Variants in HPSE2 observed in about 807,000 individuals in gnomAD.
HPSE2 encodes the protein inactive heparanase-2.
Under a neutral mutation model 60.5 loss-of-function variants are expected in HPSE2, and 38 were observed. That is an observed-to-expected ratio of 0.63 (90% CI 0.48 to 0.82). The LOEUF (loss-of-function observed/expected upper bound fraction) is 0.82, where lower values mean the gene tolerates loss of function less well. Among genes scored for constraint, HPSE2 ranks in the 40% least tolerant of loss-of-function variants. The pLI, the probability that HPSE2 is intolerant of heterozygous loss-of-function variation, is 0.00. For missense variants in HPSE2, 713 were observed against 740.4 expected (o/e 0.96, Z 0.43); for synonymous variants, 295 against 293.2 (o/e 1.01, Z -0.06).
At position 98,632,854 on chromosome 10, in the gene HPSE2, G is replaced by A. The variant is rs754144770; in HGVS notation, c.1098+8993C>T. Among the ~76,000 whole-genome samples the A allele has an allele frequency of 5.3e-5, 8 of 152,282 alleles. No individual in the cohort carries two copies. In the East Asian group the frequency reaches 7.7e-4, roughly 15 times the overall value. On this transcript the variant is annotated intron_variant, in intron 7 of 11. Coordinates refer to ENST00000370552, the MANE Select transcript of HPSE2 (RefSeq NM_021828.5). ...TCAGAACACTCATTGATGTTATCCC[G>A]AGGTATTAATGTGGTACAGTTTGTA... is the stretch of plus-strand genomic sequence containing the variant.
intron 3 of HPSE2, among the ~76,000 whole-genome samples, chr10:98,944,641 G>C (rs925309108): frequency 3.9e-5 from 6 of 152,126 alleles, no homozygotes; most frequent in Admixed American, 1.3e-4. Context: ...CTTTAGAGGG[G>C]AGAAGGGATT....
At chr10:99,064,516 T>C (rs1842549980) in intron 3 of HPSE2, among the ~76,000 whole-genome samples, 1 of 152,046 alleles carries the variant, frequency 6.6e-6, no homozygotes, top group Non-Finnish European at 1.5e-5. Flanking sequence ...CCCTCCTCTA[T>C]GCCCTCTCTC....
intron 3 of HPSE2, among the ~76,000 whole-genome samples, chr10:99,091,715 T>G (rs771591106): frequency 1.2e-4 from 19 of 152,302 alleles, no homozygotes; most frequent in Middle Eastern, 3.4e-3. Flanking sequence ...TGCTTTTAAT[T>G]TACTCTTTTA....
chr10:99,011,449 A>C (rs1957012147), intron 3 of HPSE2, among the ~76,000 whole-genome samples: 1 of 152,022 alleles, frequency 6.6e-6, no homozygotes, highest in Non-Finnish European at 1.5e-5. Flanking sequence ...ATTAACCTTC[A>C]GATTTTCAAG....
chr10:98,500,606 C>T (rs571985584), intron 9 of HPSE2, among the ~76,000 whole-genome samples: 1 of 152,166 alleles, frequency 6.6e-6, no homozygotes, highest in Admixed American at 6.5e-5. Flanking sequence ...TAAGGTCACA[C>T]CTCAAGGGAC....
At chr10:98,570,551 C>CT (rs1039448562) in intron 9 of HPSE2, among the ~76,000 whole-genome samples, 34 of 151,336 alleles carry the variant, frequency 2.2e-4, no homozygotes, top group Admixed American at 6.6e-5. Context: ...TATTTTTTCC[C>CT]TTTTTTTGAC....
At chr10:98,548,751 A>G (rs866670787) in intron 9 of HPSE2, among the ~76,000 whole-genome samples, 2 of 152,294 alleles carry the variant, frequency 1.3e-5, no homozygotes, top group African/African-American at 2.4e-5. Context: ...TGTTAGGCCC[A>G]TTGCCCCTGG....
chr10:98,900,863 G>A (rs560057678), intron 3 of HPSE2, among the ~76,000 whole-genome samples: 1 of 152,106 alleles, frequency 6.6e-6, no homozygotes, highest in African/African-American at 2.4e-5. Flanking sequence ...ATTTACTGAA[G>A]AGAAACAAAC....
At chr10:98,639,403 C>T (rs1946580448) in intron 7 of HPSE2, among the ~76,000 whole-genome samples, 1 of 152,126 alleles carries the variant, frequency 6.6e-6, no homozygotes, top group African/African-American at 2.4e-5. Context: ...CTTGAGGGGA[C>T]CCTGGGCATG....
chr10:99,229,974 A>G (rs1043119894), intron 2 of HPSE2, among the ~76,000 whole-genome samples: 3 of 152,250 alleles, frequency 2.0e-5, no homozygotes, highest in African/African-American at 7.2e-5. Flanking sequence ...TGCAACATGC[A>G]ACAACAAAGA....
the HPSE2 span, among the ~76,000 whole-genome samples, chr10:99,288,154 G>A: frequency 1.9e-5 from 2 of 107,662 alleles, no homozygotes; most frequent in Non-Finnish European, 5.0e-5. Context: ...CTTTCTCAGG[G>A]CTTCAGTTTC....
intron 3 of HPSE2, among the ~76,000 whole-genome samples, chr10:98,868,937 T>A (rs746971593): frequency 9.9e-5 from 15 of 152,192 alleles, no homozygotes; most frequent in Admixed American, 7.2e-4. Flanking sequence ...AGAAACTACA[T>A]TCTAAATTAT....
At chr10:99,132,225 GAGAGAGAGAGAGAGAGA>G (rs1845459194) in intron 3 of HPSE2, among the ~76,000 whole-genome samples, 1 of 17,000 alleles carries the variant, frequency 5.9e-5, no homozygotes, top group African/African-American at 9.2e-5. Flanking sequence ...GAGAGAGAGA[GAGAGAGAGAGAGAGAGA>G]GAAAGAAAGA....
chr10:98,852,163 GTGTA>G lies in HPSE2; in HGVS notation c.611-108111_611-108108del, dbSNP rs753641995. The stretch of plus-strand genomic sequence containing the variant: ...TGTGTGTGTGTGTGTGTGTGTGTGT[GTGTA>G]TATATGTTTGGTTTTCATCCATCCT... On this transcript the variant is annotated intron_variant, in intron 3 of 11. Coordinates refer to ENST00000370552, the MANE Select transcript of HPSE2 (RefSeq NM_021828.5). Among the ~76,000 whole-genome samples the G allele has an allele frequency of 2.4e-3, 299 of 125,604 alleles. 3 individuals carry two copies. The highest frequency in any genetic ancestry group is 8.3e-3 in the African/African-American group (223 of 26,946). The allele number at this position is 125,604 out of a possible 152,430, so 82.4% of individuals were successfully genotyped here. A position where few individuals can be genotyped will look rare whatever the true frequency, so the allele number is the denominator to read the frequency against.
chr10:99,132,210 AGAGAGAG>A (rs1564833014), intron 3 of HPSE2, among the ~76,000 whole-genome samples: 4 of 28,904 alleles, frequency 1.4e-4, no homozygotes, highest in African/African-American at 2.3e-4. Flanking sequence ...AGAGAGAGAG[AGAGAGAG>A]AGAGAGAGAG....
Position 98,528,038 on chromosome 10 carries a change from T to C in HPSE2, c.1321-37842A>G, listed in dbSNP as rs537051943. 5.7e-4 allele frequency among the ~76,000 whole-genome samples: 87 copies of C among 152,326 alleles called. 3 individuals carry two copies. In the South Asian group the frequency reaches 0.018, roughly 31 times the overall value. ...GGTCAGGTGTTCTCTGAACCTTCTA[T>C]TGTAGCAGTGGCAGCTTTGAAAAAA... On this transcript the variant is annotated intron_variant, in intron 9 of 11. Transcript: ENST00000370552.
At chr10:98,761,420 C>G (rs1438096530) in intron 3 of HPSE2, among the ~76,000 whole-genome samples, 1 of 152,096 alleles carries the variant, frequency 6.6e-6, no homozygotes, top group African/African-American at 2.4e-5. Context: ...CTTCCTTCTG[C>G]TAACTTTCGG....
At chr10:98,724,590 T>C (rs1162177880) in intron 4 of HPSE2, among the ~76,000 whole-genome samples, 4 of 152,286 alleles carry the variant, frequency 2.6e-5, no homozygotes, top group East Asian at 1.9e-4. Context: ...ATTATTATTG[T>C]GTGGGAGTCT....
rs1199987336 is a variant in HPSE2, at chr10:99,132,146, G to GAAGAAAGA, written c.610+12084_610+12091dup. On this transcript the variant is annotated intron_variant, in intron 3 of 11. Transcript: ENST00000370552. ...AAAGAAAGAAAGGAAAGAAAGAAAG[G>GAAGAAAGA]AAGAAAGAAAGAAAGAAAGAAAGAA... Among the ~76,000 whole-genome samples, 155 of 28,478 alleles carry GAAGAAAGA rather than the reference G, an allele frequency of 5.4e-3. 1 individual carries two copies. The highest frequency in any genetic ancestry group is 0.016 in the East Asian group (11 of 680). 18.7% of individuals were successfully genotyped at this position (28,478 alleles called of 152,430 possible). A position where few individuals can be genotyped will look rare whatever the true frequency, so the allele number is the denominator to read the frequency against.
Sources: gnomAD v4.1 joint callset for allele counts (sites outside exome capture counted in the v4.1 genomes callset) on GRCh38, gnomAD v4.1.1 for gene constraint, MANE v1.5 for transcripts, NCBI Gene and HGNC (gene_info 2026-07-23, HGNC 2026-07-21) for gene names.